Variants in INTS10 observed in about 807,000 individuals in gnomAD.
INTS10 encodes integrator complex subunit 10, also known as chromosome 8 open reading frame 35.
Under a neutral mutation model 94.4 loss-of-function variants are expected in INTS10, and 44 were observed. That is an observed-to-expected ratio of 0.47 (90% CI 0.37 to 0.60). The LOEUF (loss-of-function observed/expected upper bound fraction) is 0.60, where lower values mean the gene tolerates loss of function less well. Among genes scored for constraint, INTS10 ranks in the 20% least tolerant of loss-of-function variants. The pLI, the probability that INTS10 is intolerant of heterozygous loss-of-function variation, is 0.00. For missense variants in INTS10, 797 were observed against 868.7 expected, an observed-to-expected ratio of 0.92 and a Z score of 1.04; for synonymous variants, 341 against 320.7, an observed-to-expected ratio of 1.06 and a Z score of -0.68.
chr8:19,833,297 C>T lies in INTS10; in HGVS notation c.1506C>T (p.Cys502=). The T allele has an allele frequency of 1.2e-6, 2 of 1,612,124 alleles. No homozygotes were observed. Among genetic ancestry groups the T allele is most frequent in the South Asian group, 1.1e-5 (1 of 90,906 alleles). ...HQRALIQLAT[C]HFALGEYRMT... is the part of the protein sequence containing the mutation. ...GGGCGCTCATCCAGCTGGCGACGTG[C>T]CACTTTGCGCTAGGGGAGTACAGAG... Residue 502 remains cysteine, a synonymous_variant, in exon 12 of 17, where the codon TGC becomes TGT. Transcript: ENST00000397977.
intron 12 of INTS10, among the ~76,000 whole-genome samples, chr8:19,834,365 G>A (rs1316385873): frequency 3.3e-5 from 5 of 152,090 alleles, no homozygotes; most frequent in Non-Finnish European, 7.4e-5. Context: ...AGGAACAATT[G>A]GAGAATGTGT....
chr8:19,835,297 A>G (rs2067563202), intron 12 of INTS10, among the ~76,000 whole-genome samples: 1 of 152,166 alleles, frequency 6.6e-6, no homozygotes, highest in Admixed American at 6.5e-5. Flanking sequence ...TACTGCTTTC[A>G]TCCTTCTACT....
In INTS10 at chr8:19,843,967, A is replaced by G; in HGVS notation, c.1720-109A>G. On this transcript the variant is annotated intron_variant, in intron 14 of 16. Transcript: ENST00000397977. This position sits in a 1 kb window ranked among gnomAD's most constrained non-coding sequence, Gnocchi z 4.7. ...TTTCCTTCTTACTCTAATGACGTTTATCACACATTTGCATATACAGCATAT... is the reference window on the plus strand; with the variant it reads ...TTTCCTTCTTACTCTAATGACGTTTGTCACACATTTGCATATACAGCATAT... 1.3e-6 allele frequency: 1 copy of G among 777,862 alleles called. No individual in the cohort carries two copies. The highest frequency in any genetic ancestry group is 2.1e-6 in the Non-Finnish European group (1 of 487,724). The allele number at this position is 777,862 out of a possible 1,614,324, so 48.2% of individuals were successfully genotyped here.
intron 9 of INTS10, 88 bp from the exon 10 acceptor site, chr8:19,830,318 C>A: frequency 1.7e-6 from 2 of 1,163,362 alleles, no homozygotes; most frequent in Non-Finnish European, 1.2e-6. Context: ...AAATTCATAT[C>A]ACGGGCCAAA....
intron 9 of INTS10, among the ~76,000 whole-genome samples, chr8:19,826,902 T>C (rs1791482350): frequency 6.6e-6 from 1 of 152,116 alleles, no homozygotes; most frequent in Admixed American, 6.5e-5. Flanking sequence ...ATGGCATCGA[T>C]TCAGTTTAAA....
chr8:19,826,526 G>A lies in INTS10; in HGVS notation c.1107G>A (p.Lys369=), dbSNP rs761073465. The change falls in exon 9 of 17, where the codon AAG becomes AAA. Residue 369 remains lysine (K), a synonymous_variant. Transcript: ENST00000397977. The stretch of plus-strand genomic sequence containing the variant: ...ATCGTAATAAACACATCCATAAAAA[G>A]AGGAAACTAGCTGAAGGAAGAGAAA... ...EIDRNKHIHK[K]RKLAEGREKT... is the part of the protein sequence containing the mutation. 5.0e-6 allele frequency: 8 copies of A among 1,612,680 alleles called. No individual in the cohort carries two copies. The African/African-American group carries it at 1.1e-4, about 22-fold the overall frequency.
At chr8:19,827,701 G>T (rs2066911123) in intron 9 of INTS10, among the ~76,000 whole-genome samples, 1 of 152,118 alleles carries the variant, frequency 6.6e-6, no homozygotes, top group Admixed American at 6.5e-5. Flanking sequence ...CACTCATCTA[G>T]CAAGCCCTGT....
rs761134056 is a variant in INTS10, at chr8:19,826,511, A to G, written c.1092A>G (p.Lys364=). The change falls in exon 9 of 17, where the codon AAA becomes AAG. Residue 364 remains lysine (K), a synonymous_variant. Transcript: ENST00000397977. ...VYGDVEIDRN[K]HIHKKRKLAE... ...GTGATGTAGAAATTGATCGTAATAA[A>G]CACATCCATAAAAAGAGGAAACTAG... The G allele has an allele frequency of 1.9e-6, 3 of 1,613,194 alleles. No individual in the cohort carries two copies. The highest frequency in any genetic ancestry group is 2.5e-6 in the Non-Finnish European group (3 of 1,179,698).
At chr8:19,822,352 T>C (rs1314725016) in intron 4 of INTS10, 87 bp from the exon 5 acceptor site, 10 of 701,524 alleles carry the variant, frequency 1.4e-5, no homozygotes, top group Non-Finnish European at 2.2e-5. Context: ...CAAACTGTGA[T>C]AAGTAAAAAA....
chr8:19,844,076 C>T lies in INTS10; in HGVS notation c.1720C>T (p.Leu574Phe), dbSNP rs201369976. 6.3e-7 allele frequency: 1 copy of T among 1,593,612 alleles called. No homozygotes were observed. The highest frequency in any genetic ancestry group is 1.8e-5 in the Admixed American group (1 of 56,028). Residue 574 changes from leucine (L) to phenylalanine (F), a missense_variant and splice_region_variant, in exon 15 of 17, where the codon CTT becomes TTT. Transcript: ENST00000397977. ...TCTTGTATAAATCTTTGTCTTGCAG[C>T]TTAGAGCTTTCACAGACAACAGAGA... The part of the protein sequence containing the change: ...CLHLMLACFK[L>F]RAFTDNRDDM...
At chr8:19,822,671 G>C (rs1182591742) in intron 5 of INTS10, 151 bp downstream of exon 5, 4 of 532,804 alleles carry the variant, frequency 7.5e-6, no homozygotes, top group Non-Finnish European at 1.3e-5. Context: ...AAGCATTTTA[G>C]CTGGGTGCGG....
intron 10 of INTS10, among the ~76,000 whole-genome samples, chr8:19,830,848 A>G (rs2128775219): frequency 6.6e-6 from 1 of 152,056 alleles, no homozygotes; most frequent in Non-Finnish European, 1.5e-5. Context: ...AACTTTTTGT[A>G]TTTTTAGTAG....
chr8:19,826,638 G>A (rs970530854), intron 9 of INTS10, 79 bp downstream of exon 9: 14 of 1,328,176 alleles, frequency 1.1e-5, no homozygotes, highest in Non-Finnish European at 1.4e-5. Flanking sequence ...ATATGGCTTT[G>A]GAGCTAAATC....
intron 13 of INTS10, chr8:19,841,706 T>C: frequency 2.4e-6 from 1 of 414,952 alleles, no homozygotes; most frequent in South Asian, 1.8e-5. Flanking sequence ...ATGCAACCAT[T>C]CTGGAAACCA....
At position 19,832,116 on chromosome 8, in the gene INTS10, G is replaced by A; in HGVS notation, c.1377+6G>A. ...CTGATATGATCATCTATCAGGTAGA[G>A]TATTATACATATTTTAGGTACCTGT... On this transcript the variant is annotated splice_donor_region_variant and intron_variant, in intron 11 of 16. Coordinates refer to ENST00000397977, the MANE Select transcript of INTS10 (RefSeq NM_018142.4). 6.8e-7 allele frequency: 1 copy of A among 1,481,034 alleles called. No individual in the cohort carries two copies. The highest frequency in any genetic ancestry group is 9.4e-7 in the Non-Finnish European group (1 of 1,058,572). The allele number at this position is 1,481,034 out of a possible 1,614,324, so 91.7% of individuals were successfully genotyped here. A position where few individuals can be genotyped will look rare whatever the true frequency, so the allele number is the denominator to read the frequency against.
intron 13 of INTS10, among the ~76,000 whole-genome samples, chr8:19,839,027 G>C (rs1314329755): frequency 6.6e-6 from 1 of 151,956 alleles, no homozygotes; most frequent in East Asian, 1.9e-4. Context: ...AGCTGAGATT[G>C]CGCCACTACA....
intron 4 of INTS10, chr8:19,820,958 T>C (rs1589915839): frequency 6.5e-6 from 1 of 153,348 alleles, no homozygotes; most frequent in Non-Finnish European, 1.5e-5. Context: ...AAGTGCTAGG[T>C]ATCTCCTATC....
At chr8:19,820,027 A>G (rs890565988) in intron 3 of INTS10, among the ~76,000 whole-genome samples, 3 of 152,230 alleles carry the variant, frequency 2.0e-5, no homozygotes, top group African/African-American at 7.2e-5. Context: ...GCTGTAGTCA[A>G]TCAAAGATTT....
chr8:19,830,668 G>C, intron 10 of INTS10, 109 bp downstream of exon 10: 2 of 1,043,044 alleles, frequency 1.9e-6, no homozygotes, highest in Non-Finnish European at 1.4e-6. Context: ...AGTAGTTCAT[G>C]CATTTTTTTT....
Sources: allele counts gnomAD v4.1 joint callset (sites outside exome capture counted in the v4.1 genomes callset), GRCh38; gene constraint gnomAD v4.1.1; non-coding constraint Gnocchi (gnomAD v3.1); transcripts MANE v1.5; gene names NCBI Gene and HGNC (gene_info 2026-07-23, HGNC 2026-07-21).